Variants in SRGAP3 observed in about 807,000 individuals in gnomAD.
SRGAP3 encodes the protein SLIT-ROBO Rho GTPase-activating protein 3.
In SRGAP3, 39 loss-of-function variants were observed where a neutral mutation model predicts 121.1. The ratio of observed to expected loss-of-function variants is 0.32; its 90% CI spans 0.25 to 0.42. The LOEUF (loss-of-function observed/expected upper bound fraction) is 0.42, where lower values mean the gene tolerates loss of function less well. Ranked by LOEUF, SRGAP3 falls within the 10% of genes least tolerant of loss-of-function variation. The probability of loss-of-function intolerance (pLI) is 1.00; values close to 1 mark genes in which losing one functional copy is unlikely to be tolerated. For synonymous variants in SRGAP3, 601 were observed against 570.0 expected, an observed-to-expected ratio of 1.05 and a Z score of -0.77; for missense variants, 1,213 against 1,470.6, an observed-to-expected ratio of 0.82 and a Z score of 2.86.
At chr3:9,175,928 T>C (rs1318191020) in intron 1 of SRGAP3, among the ~76,000 whole-genome samples, 5 of 152,198 alleles carry the variant, frequency 3.3e-5, no homozygotes, top group Admixed American at 1.3e-4. Flanking sequence ...CTTGGGATTC[T>C]TTTTTTCTTT....
chr3:9,349,989 C>G (rs1365574626), intron 1 of SRGAP3: 1 of 152,116 alleles, frequency 6.6e-6, no homozygotes, highest in Non-Finnish European at 1.5e-5. Flanking sequence ...TTGCTTGGCC[C>G]TGACACATGG....
At chr3:9,249,956 T>C (rs1953965409), upstream of SRGAP3, among the ~76,000 whole-genome samples, 1 of 152,200 alleles carries the variant, frequency 6.6e-6, no homozygotes, top group Non-Finnish European at 1.5e-5. Context: ...AGCTATATGA[T>C]GGTTTGTCAC....
chr3:9,313,271 C>G (rs1955280538), intron 3 of SRGAP3, among the ~76,000 whole-genome samples: 1 of 152,238 alleles, frequency 6.6e-6, no homozygotes. Flanking sequence ...TTCTTCAAGT[C>G]TTGCTCAACT....
Position 9,032,724 on chromosome 3 carries a change from T to G in SRGAP3, c.1465A>C (p.Lys489Gln). 1 of 1,612,806 alleles carries G rather than the reference T, an allele frequency of 6.2e-7. No individual in the cohort carries two copies. Among genetic ancestry groups the G allele is most frequent in the Non-Finnish European group, 8.5e-7 (1 of 1,179,530 alleles). ...RPPCLPPKPQ[K>Q]MRRPRPLSVY... The stretch of plus-strand genomic sequence containing the variant: ...GAGAGAGGCCTAGGTCTCCTCATTT[T>G]CTGTGGTTTAGGGGGAAGACAGGGG... Residue 489 changes from lysine (K) to glutamine (Q), a missense_variant, in exon 12 of 22, where the codon AAA (lysine) becomes CAA (glutamine). Physicochemically the swap from Lys to Gln is moderately conservative, Grantham distance 53 (BLOSUM62 1). This residue lies in a region of SRGAP3 where 793 missense variants were observed against 1,032.9 expected (regional missense o/e 0.77). Coordinates refer to ENST00000383836, the MANE Select transcript of SRGAP3 (RefSeq NM_014850.4).
chr3:9,210,381 G>A (rs767500600), intron 1 of SRGAP3, among the ~76,000 whole-genome samples: 2 of 152,170 alleles, frequency 1.3e-5, no homozygotes, highest in African/African-American at 2.4e-5. Context: ...CCAGCATTTG[G>A]AAGGCCAAGG....
rs1955933287 is a variant in SRGAP3 at position 9,347,752 on chromosome 3, G to A, written n.214+15088C>T. 2.0e-5 allele frequency among the ~76,000 whole-genome samples: 3 copies of A among 152,278 alleles called. 1 individual carries two copies. In the South Asian group the frequency reaches 6.2e-4, roughly 32 times the overall value. On this transcript the variant is annotated intron_variant and non_coding_transcript_variant, in intron 1 of 3. Coordinates refer to the SRGAP3 transcript ENST00000490889. ...AGGAAGTCATGCTTTTAAAATGTAT[G>A]GGATTTACCTTGACAAACAAAGCTT...
chr3:9,198,490 T>C (rs1656994044), intron 1 of SRGAP3, among the ~76,000 whole-genome samples: 1 of 152,216 alleles, frequency 6.6e-6, no homozygotes, highest in Admixed American at 6.5e-5. Context: ...ACAATCTACC[T>C]AGCATTCAGT....
intron 3 of SRGAP3, among the ~76,000 whole-genome samples, chr3:9,262,522 G>A (rs1409161502): frequency 7.8e-5 from 2 of 25,494 alleles, no homozygotes; most frequent in Non-Finnish European, 2.0e-4. Flanking sequence ...GATTTACCAA[G>A]CAAATGGAAA....
Position 9,227,396 on chromosome 3 carries a change from G to A in SRGAP3, c.67+21489C>T, listed in dbSNP as rs189161122. Among the ~76,000 whole-genome samples, 5 of 152,280 alleles carry A rather than the reference G, an allele frequency of 3.3e-5. No individual in the cohort carries two copies. The East Asian group carries it at 7.7e-4, about 24-fold the overall frequency. Reference sequence around the variant, plus strand: ...AGTAATAACAGAGCGCACTTATTGAGTGTGGCCCACATTCCAGACATTGGG... The same window carrying A: ...AGTAATAACAGAGCGCACTTATTGAATGTGGCCCACATTCCAGACATTGGG... On this transcript the variant is annotated intron_variant, in intron 1 of 21. Transcript: ENST00000383836.
At chr3:9,071,395 C>T (rs1046656395) in intron 4 of SRGAP3, among the ~76,000 whole-genome samples, 19 of 152,130 alleles carry the variant, frequency 1.2e-4, no homozygotes, top group Admixed American at 7.9e-4. Flanking sequence ...CTGGCCAATC[C>T]GTAAACTTAT....
intron 3 of SRGAP3, among the ~76,000 whole-genome samples, chr3:9,262,563 G>GTTGCAATCC (rs1473865719): frequency 9.4e-6 from 1 of 105,946 alleles, no homozygotes; most frequent in African/African-American, 2.8e-5. Flanking sequence ...AAAAGCAGTG[G>GTTGCAATCC]TTGCAATCCT....
chr3:9,182,068 C>T (rs541822597), intron 1 of SRGAP3, among the ~76,000 whole-genome samples: 7 of 148,182 alleles, frequency 4.7e-5, no homozygotes, highest in South Asian at 2.2e-4. Context: ...CCCATCTACT[C>T]GGGAGGCTGA....
intron 1 of SRGAP3, among the ~76,000 whole-genome samples, chr3:9,207,590 A>C (rs1449195845): frequency 6.6e-6 from 1 of 152,154 alleles, no homozygotes; most frequent in Non-Finnish European, 1.5e-5. Context: ...GAGGAGAAGG[A>C]AGAAGGATTG....
intron 1 of SRGAP3, among the ~76,000 whole-genome samples, chr3:9,220,401 G>A (rs901932568): frequency 6.6e-6 from 1 of 152,142 alleles, no homozygotes; most frequent in Non-Finnish European, 1.5e-5. Flanking sequence ...ACCTCCAGGA[G>A]AGGCTGCAAA....
chr3:9,327,493 C>G (rs774951366), intron 2 of SRGAP3, among the ~76,000 whole-genome samples: 3 of 152,194 alleles, frequency 2.0e-5, no homozygotes, highest in Non-Finnish European at 4.4e-5. Context: ...GCATGTAAAC[C>G]TATTTTTTCA....
upstream of SRGAP3, among the ~76,000 whole-genome samples, chr3:9,253,499 T>C (rs1387276108): frequency 1.3e-5 from 2 of 152,186 alleles, no homozygotes; most frequent in Non-Finnish European, 2.9e-5. Context: ...AAAAAAGGCT[T>C]CATCTGAAGG....
At chr3:9,001,620 C>T (rs1942774812) in intron 18 of SRGAP3, among the ~76,000 whole-genome samples, 1 of 151,666 alleles carries the variant, frequency 6.6e-6, no homozygotes, top group Non-Finnish European at 1.5e-5. Context: ...ATTAAACAAT[C>T]CAATTAAAAT....
At chr3:9,101,870 G>A (rs1473274327) in intron 3 of SRGAP3, among the ~76,000 whole-genome samples, 2 of 150,622 alleles carry the variant, frequency 1.3e-5, no homozygotes, top group African/African-American at 4.9e-5. Context: ...TTAAAGCAAG[G>A]GCCACGTGCA....
intron 3 of SRGAP3, among the ~76,000 whole-genome samples, chr3:9,283,283 A>G (rs1357529348): frequency 6.6e-6 from 1 of 152,180 alleles, no homozygotes; most frequent in Non-Finnish European, 1.5e-5. Context: ...ATCTGAAACC[A>G]TATCAGTGAA....
Sources: gnomAD v4.1 joint callset for allele counts (sites outside exome capture counted in the v4.1 genomes callset) on GRCh38, gnomAD v4.1.1 for gene constraint, gnomAD v4.1.1 regional missense constraint, MANE v1.5 for transcripts, NCBI Gene and HGNC (gene_info 2026-07-23, HGNC 2026-07-21) for gene names.